INO80D: variants seen among roughly 807,000 people sequenced by gnomAD.
The protein encoded by INO80D is INO80 complex subunit D.
In INO80D, 21 loss-of-function variants were observed where a neutral mutation model predicts 87.6. The ratio of observed to expected loss-of-function variants is 0.24; its 90% CI spans 0.17 to 0.35. The LOEUF is 0.35. INO80D is among the 10% of genes least tolerant of loss of function. The pLI is 1.00. For synonymous variants in INO80D, 440 were observed against 491.0 expected, an observed-to-expected ratio of 0.90 and a Z score of 1.37; for missense variants, 982 against 1,280.7, an observed-to-expected ratio of 0.77 and a Z score of 3.56.
chr2:206,033,098 A>C (rs1327118143), intron 5 of INO80D, among the ~76,000 whole-genome samples: 1 of 152,222 alleles, frequency 6.6e-6, no homozygotes, highest in African/African-American at 2.4e-5. Flanking sequence ...GACTCACCTA[A>C]CATATAAGGA....
In INO80D at chr2:206,004,119, G is replaced by A. The variant is rs1157863842; in HGVS notation, c.*249C>T. On this transcript the variant is annotated 3_prime_UTR_variant, in exon 11 of 11. Coordinates refer to ENST00000403263, the MANE Select transcript of INO80D (RefSeq NM_017759.5). This position sits in a 1 kb window ranked among gnomAD's most constrained non-coding sequence, Gnocchi z 4.9. ...AAAATCAATCCTATCCAGTCACTGTGCTGAACCACTAAGGAAACCACTGGG... is the reference window on the plus strand; with the variant it reads ...AAAATCAATCCTATCCAGTCACTGTACTGAACCACTAAGGAAACCACTGGG... 3.6e-6 allele frequency: 2 copies of A among 555,190 alleles called. No individual in the cohort carries two copies. Among genetic ancestry groups the A allele is most frequent in the African/African-American group, 1.9e-5 (1 of 53,110 alleles). 34.4% of individuals were successfully genotyped at this position (555,190 alleles called of 1,614,324 possible). A position where few individuals can be genotyped will look rare whatever the true frequency, so the allele number is the denominator to read the frequency against.
intron 9 of INO80D, 51 bp downstream of exon 9, chr2:206,009,526 A>G: frequency 2.0e-6 from 3 of 1,466,356 alleles, no homozygotes; most frequent in Non-Finnish European, 2.8e-6. Flanking sequence ...AGATGTTCTG[A>G]GAAGAATCCC....
intron 4 of INO80D, among the ~76,000 whole-genome samples, chr2:206,048,497 T>G (rs1042291471): frequency 1.2e-4 from 18 of 152,170 alleles, no homozygotes; most frequent in African/African-American, 3.9e-4. Context: ...CCTCCCAAAG[T>G]GCTGCAATTA....
chr2:206,079,043 TGTGG>T (rs1238812414), intron 1 of INO80D, among the ~76,000 whole-genome samples: 1 of 152,014 alleles, frequency 6.6e-6, no homozygotes, highest in Non-Finnish European at 1.5e-5. Flanking sequence ...TCACAAAAAG[TGTGG>T]GTCAAACAAA....
At chr2:206,065,520 G>A (rs1157045656) in intron 1 of INO80D, among the ~76,000 whole-genome samples, 1 of 151,774 alleles carries the variant, frequency 6.6e-6, no homozygotes, top group Non-Finnish European at 1.5e-5. Context: ...CAGACAATAA[G>A]GTAAAAATAA....
intron 4 of INO80D, among the ~76,000 whole-genome samples, chr2:206,054,021 G>A (rs1689444330): frequency 6.6e-6 from 1 of 152,066 alleles, no homozygotes; most frequent in South Asian, 2.1e-4. Flanking sequence ...CGTATTTTTA[G>A]TAGAGACAGG....
At chr2:206,072,439 C>A (rs1689999205) in intron 1 of INO80D, among the ~76,000 whole-genome samples, 1 of 151,822 alleles carries the variant, frequency 6.6e-6, no homozygotes, top group Admixed American at 6.6e-5. Context: ...CCACGCCCAG[C>A]CAATTTTTTT....
intron 6 of INO80D, chr2:206,025,540 A>ATATATATAT (rs1553616172): frequency 1.0e-3 from 64 of 63,240 alleles, no homozygotes; most frequent in Non-Finnish European, 1.6e-3. Context: ...AAAAAAAAAA[A>ATATATATAT]AAATATATAT....
intron 5 of INO80D, among the ~76,000 whole-genome samples, chr2:206,043,422 G>A (rs75870278): frequency 0.082 from 12,426 of 151,922 alleles, 595 homozygotes; most frequent in African/African-American, 0.12. Flanking sequence ...CGCCCACTTC[G>A]GCCTCCCAAA....
At chr2:206,030,455 T>A (rs1688731382) in intron 5 of INO80D, among the ~76,000 whole-genome samples, 1 of 136,672 alleles carries the variant, frequency 7.3e-6, no homozygotes, top group Non-Finnish European at 1.6e-5. Context: ...AGAGCAAGAC[T>A]TTGTCTCAAA....
At chr2:206,066,464 A>C (rs2105895025) in intron 1 of INO80D, among the ~76,000 whole-genome samples, 1 of 152,270 alleles carries the variant, frequency 6.6e-6, no homozygotes, top group Non-Finnish European at 1.5e-5. Flanking sequence ...GATAAAGAAA[A>C]TGTGGTATAT....
Position 205,995,148 on chromosome 2 carries a change from C to T in INO80D, c.*9220G>A, listed in dbSNP as rs1278013328. 6.6e-6 allele frequency: 1 copy of T among 152,122 alleles called. No homozygotes were observed. The highest frequency in any genetic ancestry group is 2.4e-5 in the African/African-American group (1 of 41,416). The allele number at this position is 152,122 out of a possible 1,614,324, so 9.4% of individuals were successfully genotyped here. A position where few individuals can be genotyped will look rare whatever the true frequency, so the allele number is the denominator to read the frequency against. On this transcript the variant is annotated 3_prime_UTR_variant, in exon 11 of 11. Coordinates refer to ENST00000403263, the MANE Select transcript of INO80D (RefSeq NM_017759.5). ...GATCTAGGAGATGGTGGCTGACATA[C>T]ACTAACGGAAATATTAGGATTGCTT...
intron 5 of INO80D, among the ~76,000 whole-genome samples, chr2:206,037,725 G>T (rs868816806): frequency 6.6e-6 from 1 of 152,036 alleles, no homozygotes; most frequent in South Asian, 2.1e-4. Flanking sequence ...CCCATTACCA[G>T]GTATCTACTT....
chr2:206,083,759 G>T (rs955078042), intron 1 of INO80D, among the ~76,000 whole-genome samples: 21 of 151,370 alleles, frequency 1.4e-4, no homozygotes, highest in African/African-American at 5.1e-4. Context: ...CAGTGCTGGG[G>T]GTACTGAGTG....
intron 4 of INO80D, among the ~76,000 whole-genome samples, chr2:206,046,922 A>C (rs1689210980): frequency 6.6e-6 from 1 of 151,994 alleles, no homozygotes; most frequent in Admixed American, 6.6e-5. Flanking sequence ...CCAGGACTAC[A>C]CGCGCCAGCC....
intron 1 of INO80D, among the ~76,000 whole-genome samples, chr2:206,069,815 G>T (rs1575880968): frequency 6.6e-6 from 1 of 152,062 alleles, no homozygotes; most frequent in Non-Finnish European, 1.5e-5. Flanking sequence ...TCCTGTTGTT[G>T]TTCTTAGTTC....
rs1197160705 is a variant in INO80D at position 205,996,495 on chromosome 2, C to T, written c.*7873G>A. 4 of 151,986 alleles carry T rather than the reference C, an allele frequency of 2.6e-5. No individual in the cohort carries two copies. The East Asian group carries it at 7.7e-4, about 29-fold the overall frequency. The allele number at this position is 151,986 out of a possible 1,614,324, so 9.4% of individuals were successfully genotyped here. ...CATTTTAGTATGTTCTGATGATGTA[C>T]TCTAGACTGTCACCTCCTCTGGCTT... is the stretch of plus-strand genomic sequence containing the variant. On this transcript the variant is annotated 3_prime_UTR_variant, in exon 11 of 11. Coordinates refer to ENST00000403263, the MANE Select transcript of INO80D (RefSeq NM_017759.5).
rs368518935 is a variant in INO80D, at chr2:206,017,672, G to A, written c.1542+8C>T. 5.7e-5 allele frequency: 89 copies of A among 1,569,746 alleles called. No individual in the cohort carries two copies. The African/African-American group carries it at 6.1e-4, about 11-fold the overall frequency. On this transcript the variant is annotated splice_region_variant and intron_variant, in intron 8 of 10. Transcript: ENST00000403263. ...AAAAAGTTTGAAAGCCTCTGTTGCA[G>A]AACTTACCATTTTTTTGGCATGTTC... is the stretch of plus-strand genomic sequence containing the variant.
intron 1 of INO80D, among the ~76,000 whole-genome samples, chr2:206,064,102 A>T (rs1418659699): frequency 1.3e-5 from 2 of 152,214 alleles, no homozygotes; most frequent in African/African-American, 4.8e-5. Flanking sequence ...CCCAAAGACT[A>T]GTCAGCTGAC....
Sources: gnomAD v4.1 joint callset for allele counts (sites outside exome capture counted in the v4.1 genomes callset) on GRCh38, gnomAD v4.1.1 for gene constraint, Gnocchi (gnomAD v3.1) non-coding constraint, MANE v1.5 for transcripts, NCBI Gene and HGNC (gene_info 2026-07-23, HGNC 2026-07-21) for gene names.